Variants in NRG1 observed in about 807,000 individuals in gnomAD.
NRG1 encodes pro-neuregulin-1, membrane-bound isoform.
Under a neutral mutation model 63.8 loss-of-function variants are expected in NRG1, and 18 were observed. That is an observed-to-expected ratio of 0.28 (90% CI 0.19 to 0.42). The LOEUF is 0.42. NRG1 is among the 10% of genes least tolerant of loss of function. NRG1 has a pLI of 1.00. For missense variants in NRG1, 762 were observed against 814.7 expected (o/e 0.94, Z 0.79); for synonymous variants, 302 against 301.3 (o/e 1.00, Z -0.02).
At chr8:32,681,283 AT>A (rs1340164432) in intron 5 of NRG1, among the ~76,000 whole-genome samples, 1 of 152,196 alleles carries the variant, frequency 6.6e-6, no homozygotes, top group Non-Finnish European at 1.5e-5. Flanking sequence ...GGAAATCAAA[AT>A]GCATGACCTA....
chr8:31,853,112 A>G (rs1248940630), intron 1 of NRG1, among the ~76,000 whole-genome samples: 1 of 152,114 alleles, frequency 6.6e-6, no homozygotes, highest in East Asian at 1.9e-4. Context: ...TTGGTTCCAT[A>G]TGAACTTTAA....
At chr8:32,066,679 T>G (rs1824876709) in intron 1 of NRG1, among the ~76,000 whole-genome samples, 1 of 152,174 alleles carries the variant, frequency 6.6e-6, no homozygotes, top group Non-Finnish European at 1.5e-5. Flanking sequence ...GGACTCTTTT[T>G]TGGTTCCATA....
chr8:32,591,449 G>T (rs983858819), intron 1 of NRG1, among the ~76,000 whole-genome samples: 3 of 152,046 alleles, frequency 2.0e-5, no homozygotes, highest in African/African-American at 7.2e-5. Flanking sequence ...TCATTGCATT[G>T]TAGATCATCT....
chr8:31,999,264 C>T (rs1406440469), intron 1 of NRG1, among the ~76,000 whole-genome samples: 6 of 151,818 alleles, frequency 4.0e-5, no homozygotes, highest in Non-Finnish European at 7.4e-5. Flanking sequence ...ATTCCAGATC[C>T]TCAATATTAT....
At chr8:32,236,572 G>C (rs1452422400) in intron 1 of NRG1, among the ~76,000 whole-genome samples, 1 of 152,064 alleles carries the variant, frequency 6.6e-6, no homozygotes, top group African/African-American at 2.4e-5. Flanking sequence ...ATGGAAATGG[G>C]TTATTAGATC....
At chr8:32,289,264 T>C (rs909808334) in intron 1 of NRG1, among the ~76,000 whole-genome samples, 23 of 152,148 alleles carry the variant, frequency 1.5e-4, no homozygotes, top group African/African-American at 5.5e-4. Context: ...TCTCAGATTC[T>C]AAGGAGGAAA....
chr8:32,330,081 A>AAAAAT (rs1563322139), intron 1 of NRG1, among the ~76,000 whole-genome samples: 13 of 125,098 alleles, frequency 1.0e-4, no homozygotes, highest in African/African-American at 3.7e-4. Flanking sequence ...AAAAAAAAAA[A>AAAAAT]GTGTGTAGGG....
At chr8:32,115,606 G>A (rs919455460) in intron 1 of NRG1, among the ~76,000 whole-genome samples, 1 of 152,062 alleles carries the variant, frequency 6.6e-6, no homozygotes, top group African/African-American at 2.4e-5. Flanking sequence ...GGCAAAGGCA[G>A]AAGGAAATCC....
chr8:31,697,878 C>T (rs1171510201), intron 1 of NRG1, among the ~76,000 whole-genome samples: 1 of 149,426 alleles, frequency 6.7e-6, no homozygotes, highest in Non-Finnish European at 1.5e-5. Flanking sequence ...TTCCTTCCTT[C>T]TCTTTCTCTC....
intron 1 of NRG1, among the ~76,000 whole-genome samples, chr8:31,786,379 A>G (rs1820170946): frequency 6.6e-6 from 1 of 152,216 alleles, no homozygotes; most frequent in Non-Finnish European, 1.5e-5. Context: ...TCTAGTCACC[A>G]AGAAGTGTGT....
chr8:32,549,617 C>A (rs1242191517), intron 1 of NRG1, among the ~76,000 whole-genome samples: 1 of 152,144 alleles, frequency 6.6e-6, no homozygotes, highest in Non-Finnish European at 1.5e-5. Flanking sequence ...TTTTTGAACC[C>A]AATTGTTTGC....
chr8:32,280,699 T>G (rs1170360726), intron 1 of NRG1, among the ~76,000 whole-genome samples: 70 of 132,520 alleles, frequency 5.3e-4, no homozygotes, highest in South Asian at 3.5e-3. Context: ...TTGTTTTTTT[T>G]TTTTTTTTTT....
At chr8:31,878,021 T>C (rs1830057877) in intron 1 of NRG1, among the ~76,000 whole-genome samples, 1 of 152,180 alleles carries the variant, frequency 6.6e-6, no homozygotes, top group South Asian at 2.1e-4. Context: ...ACTTATTTTG[T>C]TCAGAATTTT....
At chr8:31,655,373 C>T (rs920712462) in intron 1 of NRG1, among the ~76,000 whole-genome samples, 23 of 152,094 alleles carry the variant, frequency 1.5e-4, no homozygotes, top group African/African-American at 5.6e-4. Flanking sequence ...GAACATATAA[C>T]AGAAGAATCT....
chr8:32,548,716 T>C, exon 1 of NRG1: 1 of 1,571,910 alleles, frequency 6.4e-7, no homozygotes, highest in Non-Finnish European at 8.6e-7. Context: ...GAGCGCTCCG[T>C]CTCCGGCGAG....
chr8:31,843,825 GA>G (rs149787083), intron 1 of NRG1, among the ~76,000 whole-genome samples: 2 of 151,908 alleles, frequency 1.3e-5, no homozygotes, highest in South Asian at 4.1e-4. Context: ...AGGCTATGGG[GA>G]AAAAAAGGTT....
chr8:32,359,857 T>C (rs1479533304), intron 1 of NRG1, among the ~76,000 whole-genome samples: 3 of 152,180 alleles, frequency 2.0e-5, no homozygotes, highest in Non-Finnish European at 4.4e-5. Flanking sequence ...CATGATGTCA[T>C]GCCAGAAAGA....
chr8:32,357,445 A>T (rs1806587843), intron 1 of NRG1, among the ~76,000 whole-genome samples: 1 of 152,128 alleles, frequency 6.6e-6, no homozygotes, highest in African/African-American at 2.4e-5. Flanking sequence ...ATCTTCCTCC[A>T]TTTGCTTTTT....
intron 1 of NRG1, among the ~76,000 whole-genome samples, chr8:32,294,385 G>C (rs1053000662): frequency 2.0e-5 from 3 of 152,112 alleles, no homozygotes; most frequent in African/African-American, 7.2e-5. Flanking sequence ...ACTAGAATCT[G>C]GTCATAATTT....
Sources: gnomAD v4.1 joint callset for allele counts (sites outside exome capture counted in the v4.1 genomes callset) on GRCh38, gnomAD v4.1.1 for gene constraint, MANE v1.5 for transcripts, NCBI Gene and HGNC (gene_info 2026-07-23, HGNC 2026-07-21) for gene names.